The following CUX1 variants were observed in gnomAD, a reference collection of about 807,000 sequenced individuals.
The protein encoded by CUX1 is protein CASP.
Under a neutral mutation model 158.8 loss-of-function variants are expected in CUX1, and 31 were observed. The observed-to-expected ratio is 0.20, with a 90% CI of 0.15 to 0.26. The LOEUF is 0.26. Ranked by LOEUF, CUX1 falls within the 10% of genes least tolerant of loss-of-function variation. CUX1 has a pLI of 1.00. For missense variants in CUX1, 1,589 were observed against 2,014.6 expected (o/e 0.79, Z 4.04); for synonymous variants, 879 against 862.1 (o/e 1.02, Z -0.34).
chr7:102,063,787 C>T lies in CUX1; in HGVS notation c.190-6552C>T, dbSNP rs543265757. Among the ~76,000 whole-genome samples, 10 of 152,264 alleles carry T rather than the reference C, an allele frequency of 6.6e-5. No homozygotes were observed. The South Asian group carries it at 1.2e-3, about 19-fold the overall frequency. Reference sequence around the variant, plus strand: ...CTGCAGACCATGCAGTTGGCCATTGCGGAAGATATTAAAAGCATATTAAAC... The same window carrying T: ...CTGCAGACCATGCAGTTGGCCATTGTGGAAGATATTAAAAGCATATTAAAC... On this transcript the variant is annotated intron_variant, in intron 3 of 23. Coordinates refer to ENST00000292535, the MANE Select transcript of CUX1 (RefSeq NM_181552.4).
chr7:102,092,551 A>G (rs1021944523), intron 4 of CUX1, among the ~76,000 whole-genome samples: 5 of 152,242 alleles, frequency 3.3e-5, no homozygotes, highest in South Asian at 2.1e-4. Context: ...GGAAAATATC[A>G]TAAGTCAAAA....
At chr7:102,075,947 C>T (rs1585551885) in intron 4 of CUX1, among the ~76,000 whole-genome samples, 2 of 152,280 alleles carry the variant, frequency 1.3e-5, no homozygotes, top group South Asian at 2.1e-4. Flanking sequence ...GACGTCCCGC[C>T]GGCGCCCCAA....
At chr7:102,272,979 C>T (rs946997848) in intron 14 of CUX1, among the ~76,000 whole-genome samples, 2 of 152,204 alleles carry the variant, frequency 1.3e-5, no homozygotes, top group East Asian at 3.9e-4. Context: ...CAACCTGAGC[C>T]TCCTTGCCCC....
At chr7:101,818,056 T>C (rs759330547) in intron 1 of CUX1, among the ~76,000 whole-genome samples, 1 of 152,226 alleles carries the variant, frequency 6.6e-6, no homozygotes. Flanking sequence ...AGCCGAGTCA[T>C]AGTCGTTATG....
chr7:101,951,028 C>T (rs754062535), intron 2 of CUX1, among the ~76,000 whole-genome samples: 2 of 152,108 alleles, frequency 1.3e-5, no homozygotes, highest in South Asian at 4.1e-4. Context: ...TGATTAACTT[C>T]GCTGGTTAAA....
intron 1 of CUX1, chr7:101,824,804 A>C (rs563557323): frequency 2.0e-5 from 3 of 152,222 alleles, no homozygotes; most frequent in African/African-American, 7.2e-5. Flanking sequence ...TATGTAAATG[A>C]AAATTAAAAA....
chr7:102,063,007 A>G (rs1746402142), intron 3 of CUX1, among the ~76,000 whole-genome samples: 1 of 152,112 alleles, frequency 6.6e-6, no homozygotes, highest in Non-Finnish European at 1.5e-5. Context: ...CGGGAAGCTG[A>G]TACAGAAGAA....
intron 1 of CUX1, among the ~76,000 whole-genome samples, chr7:101,852,864 G>C (rs1796420203): frequency 1.3e-5 from 2 of 151,660 alleles, no homozygotes; most frequent in African/African-American, 4.8e-5. Flanking sequence ...TTTTAGTAGG[G>C]ACAGGGTTTC....
intron 3 of CUX1, among the ~76,000 whole-genome samples, chr7:102,044,742 G>C (rs1020625241): frequency 6.6e-6 from 1 of 151,978 alleles, no homozygotes; most frequent in Non-Finnish European, 1.5e-5. Flanking sequence ...TTGGTTCCTA[G>C]ACGCCCACAA....
intron 20 of CUX1, among the ~76,000 whole-genome samples, chr7:102,216,658 CCCACA>C (rs1563425966): frequency 4.0e-5 from 3 of 74,316 alleles, no homozygotes; most frequent in East Asian, 8.7e-4. Flanking sequence ...CACACACTCT[CCCACA>C]CACACTCACA....
At chr7:101,825,804 C>T (rs868085680) in intron 1 of CUX1, among the ~76,000 whole-genome samples, 228 of 115,120 alleles carry the variant, frequency 2.0e-3, no homozygotes, top group South Asian at 6.7e-3. Context: ...TGTGTGCGCG[C>T]GCGCGCGCAG....
At chr7:101,960,170 T>C (rs1810300838) in intron 2 of CUX1, 1 of 152,208 alleles carries the variant, frequency 6.6e-6, no homozygotes, top group South Asian at 2.1e-4. Flanking sequence ...GTCTCCGGAA[T>C]CTGTCGTTTT....
At chr7:102,205,493 A>G (rs1199155040) in intron 20 of CUX1, among the ~76,000 whole-genome samples, 1 of 152,152 alleles carries the variant, frequency 6.6e-6, no homozygotes, top group Non-Finnish European at 1.5e-5. Context: ...ATAGGAAGGG[A>G]TAAAGCACGG....
chr7:102,051,653 T>TC (rs1823512031), intron 3 of CUX1, among the ~76,000 whole-genome samples: 1 of 109,688 alleles, frequency 9.1e-6, no homozygotes, highest in Non-Finnish European at 1.7e-5. Context: ...AGACTCTGTC[T>TC]CAAAAAAAAA....
intron 8 of CUX1, among the ~76,000 whole-genome samples, chr7:102,137,644 A>G (rs1363930405): frequency 3.9e-5 from 6 of 152,072 alleles, no homozygotes; most frequent in African/African-American, 1.4e-4. Context: ...CAAAAAAGAA[A>G]AAGGTAATGG....
At chr7:102,090,375 T>G (rs1026140216) in intron 4 of CUX1, among the ~76,000 whole-genome samples, 3 of 152,042 alleles carry the variant, frequency 2.0e-5, no homozygotes, top group Admixed American at 6.6e-5. Flanking sequence ...CCGTTTTTTT[T>G]TTTGTTTTTT....
At chr7:101,855,416 C>T (rs780568517) in intron 1 of CUX1, among the ~76,000 whole-genome samples, 6 of 152,148 alleles carry the variant, frequency 3.9e-5, no homozygotes, top group Admixed American at 6.5e-5. Flanking sequence ...AATGCCTGGT[C>T]GTTTCTCATA....
chr7:102,239,262 G>A, intron 22 of CUX1, 58 bp from the exon 23 acceptor site: 1 of 1,548,074 alleles, frequency 6.5e-7, no homozygotes, highest in Admixed American at 1.9e-5. Flanking sequence ...CGGGACTGGG[G>A]ATTTGGGCTG....
intron 2 of CUX1, among the ~76,000 whole-genome samples, chr7:101,925,577 T>C (rs1187724891): frequency 2.0e-5 from 3 of 152,154 alleles, no homozygotes; most frequent in East Asian, 1.9e-4. Context: ...CACTGAACTG[T>C]GTACTTTAAA....
Sources: allele counts gnomAD v4.1 joint callset (sites outside exome capture counted in the v4.1 genomes callset), GRCh38; gene constraint gnomAD v4.1.1; transcripts MANE v1.5; gene names NCBI Gene and HGNC (gene_info 2026-07-23, HGNC 2026-07-21).